The following TRIM5 variants were observed in gnomAD, a reference collection of about 807,000 sequenced individuals.
TRIM5 encodes tripartite motif-containing protein 5.
Under a neutral mutation model 35.6 loss-of-function variants are expected in TRIM5, and 31 were observed. The observed-to-expected ratio is 0.87, with a 90% confidence interval of 0.65 to 1.18. TRIM5 has a LOEUF of 1.18. TRIM5 is among the 50% of genes most tolerant of loss of function. The probability of loss-of-function intolerance (pLI) is 0.00; values close to 1 mark genes in which losing one functional copy is unlikely to be tolerated. For synonymous variants in TRIM5, 243 were observed against 215.6 expected, an observed-to-expected ratio of 1.13 and a Z score of -1.11; for missense variants, 609 against 591.6, an observed-to-expected ratio of 1.03 and a Z score of -0.31.
intron 1 of TRIM5, among the ~76,000 whole-genome samples, chr11:5,683,223 G>T (rs1470950557): frequency 1.3e-5 from 2 of 152,178 alleles, no homozygotes; most frequent in South Asian, 2.1e-4. Context: ...GAGCGTCCCT[G>T]ACGAGCACCG....
At chr11:5,633,681 C>T in the TRIM5 span, 4 of 913,176 alleles carry the variant, frequency 4.4e-6, no homozygotes. Flanking sequence ...ATTCTAATCA[C>T]CAGCTTCACA....
the TRIM5 span, among the ~76,000 whole-genome samples, chr11:5,622,203 C>T: frequency 4.8e-4 from 73 of 152,188 alleles, 1 homozygote; most frequent in East Asian, 2.1e-3. Context: ...CCCAGGACTT[C>T]GGGAGGCCGA....
In TRIM5 at chr11:5,665,951, T is replaced by C. The variant is rs749721952; in HGVS notation, c.868+30A>G. ...GCACCCTAACACCACTTGAATTCCA[T>C]AACCCTGTTGTTGATCTAGCTCTCC... On this transcript the variant is annotated intron_variant, in intron 6 of 7. Transcript: ENST00000380034. 2.1e-5 allele frequency: 34 copies of C among 1,586,834 alleles called. No homozygotes were observed. The South Asian group carries it at 3.8e-4, about 18-fold the overall frequency.
the TRIM5 span, chr11:5,604,656 C>T: frequency 6.7e-4 from 1,076 of 1,603,832 alleles, 2 homozygotes; most frequent in Middle Eastern, 4.7e-3. Flanking sequence ...CTGAAGATGT[C>T]CTGGGGCAGG....
chr11:5,632,993 A>AT, the TRIM5 span, among the ~76,000 whole-genome samples: 88 of 122,286 alleles, frequency 7.2e-4, no homozygotes, highest in South Asian at 1.1e-3. Flanking sequence ...CGCCTGGCTA[A>AT]TTTTTTTTTT....
At chr11:5,663,168 A>C, downstream of TRIM5, 1 of 842,856 alleles carries the variant, frequency 1.2e-6, no homozygotes. Context: ...AAAAAAGCCC[A>C]ACACCATAAT....
the TRIM5 span, chr11:5,643,127 T>A: frequency 1.7e-3 from 897 of 521,262 alleles, 42 homozygotes; most frequent in African/African-American, 6.2e-3. Flanking sequence ...ATATATATAT[T>A]TTTTTTTTTC....
chr11:5,605,953 C>T, the TRIM5 span, among the ~76,000 whole-genome samples: 133 of 152,324 alleles, frequency 8.7e-4, 2 homozygotes, highest in Non-Finnish European at 2.4e-4. Context: ...TCTCTGGCCT[C>T]TGCTCACTAG....
chr11:5,677,724 C>T (rs1015030456), intron 4 of TRIM5, among the ~76,000 whole-genome samples: 8 of 152,132 alleles, frequency 5.3e-5, no homozygotes, highest in African/African-American at 9.6e-5. Context: ...CCACCGCGCC[C>T]AGCCTTTACT....
chr11:5,632,333 T>C, the TRIM5 span: 5 of 1,613,926 alleles, frequency 3.1e-6, no homozygotes, highest in Non-Finnish European at 4.2e-6. Flanking sequence ...AGCAGTGCAA[T>C]GGCTTCAAAA....
the TRIM5 span, among the ~76,000 whole-genome samples, chr11:5,656,015 A>T: frequency 5.3e-5 from 8 of 152,230 alleles, no homozygotes; most frequent in African/African-American, 1.9e-4. Context: ...AAGATGGATT[A>T]AAGACTTAAA....
At chr11:5,611,391 A>G in the TRIM5 span, 1 of 1,374,760 alleles carries the variant, frequency 7.3e-7, no homozygotes, top group Non-Finnish European at 1.0e-6. Flanking sequence ...GAGGCTTATC[A>G]GCATGTGATT....
At chr11:5,651,492 T>A in the TRIM5 span, among the ~76,000 whole-genome samples, 2 of 152,082 alleles carry the variant, frequency 1.3e-5, no homozygotes, top group African/African-American at 4.8e-5. Context: ...AGTAAGAACA[T>A]CTAGCATTCC....
the TRIM5 span, among the ~76,000 whole-genome samples, chr11:5,629,593 C>T: frequency 4.1e-4 from 63 of 152,300 alleles, no homozygotes; most frequent in Non-Finnish European, 8.8e-5. Flanking sequence ...GCAATAATTG[C>T]AGGTTTGTTT....
chr11:5,604,584 T>C, the TRIM5 span: 4 of 1,613,112 alleles, frequency 2.5e-6, no homozygotes, highest in African/African-American at 4.0e-5. Flanking sequence ...AGCAGGAAGC[T>C]GAGAAGCTAA....
At chr11:5,652,136 T>G in the TRIM5 span, among the ~76,000 whole-genome samples, 1 of 151,844 alleles carries the variant, frequency 6.6e-6, no homozygotes, top group Non-Finnish European at 1.5e-5. Flanking sequence ...TTGGTTTTGG[T>G]TTTTTTTGCT....
At chr11:5,647,756 C>T in the TRIM5 span, among the ~76,000 whole-genome samples, 1 of 152,120 alleles carries the variant, frequency 6.6e-6, no homozygotes, top group Non-Finnish European at 1.5e-5. Context: ...CTCCTGACCT[C>T]GTGATCCACC....
the TRIM5 span, among the ~76,000 whole-genome samples, chr11:5,591,191 A>G: frequency 4.9e-4 from 75 of 152,388 alleles, 1 homozygote; most frequent in African/African-American, 1.7e-3. Context: ...CCATTCATCA[A>G]GATAAGTAAT....
chr11:5,652,575 G>A, the TRIM5 span, among the ~76,000 whole-genome samples: 1 of 152,134 alleles, frequency 6.6e-6, no homozygotes, highest in African/African-American at 2.4e-5. Flanking sequence ...TAGCTTTGTA[G>A]TATGGTTTGA....
Sources: allele counts gnomAD v4.1 joint callset (sites outside exome capture counted in the v4.1 genomes callset), GRCh38; gene constraint gnomAD v4.1.1; transcripts MANE v1.5; gene names NCBI Gene and HGNC (gene_info 2026-07-23, HGNC 2026-07-21).